Variants in ZMAT5 observed in about 807,000 individuals in gnomAD.
The protein encoded by ZMAT5 is zinc finger matrin-type 5, also known as zinc finger matrin-type protein 5.
Under a neutral mutation model 28.0 loss-of-function variants are expected in ZMAT5, and 23 were observed. That is an observed-to-expected ratio of 0.82 (90% confidence interval 0.59 to 1.16). The LOEUF (loss-of-function observed/expected upper bound fraction) is 1.16, where lower values mean the gene tolerates loss of function less well. ZMAT5 is among the 50% of genes most tolerant of loss of function. The pLI is 0.00. For synonymous variants in ZMAT5, 76 were observed against 84.1 expected (o/e 0.90, Z 0.52); for missense variants, 173 against 212.7 (o/e 0.81, Z 1.16).
At chr22:29,733,486 G>A (rs1287136217) in intron 5 of ZMAT5, among the ~76,000 whole-genome samples, 1 of 152,252 alleles carries the variant, frequency 6.6e-6, no homozygotes, top group East Asian at 1.9e-4. Flanking sequence ...CCCCAGGTGT[G>A]AGAGGACAGG....
intron 5 of ZMAT5, among the ~76,000 whole-genome samples, chr22:29,733,898 C>T (rs576457759): frequency 1.3e-5 from 2 of 152,376 alleles, no homozygotes; most frequent in East Asian, 3.9e-4. Context: ...GCCCCAGACA[C>T]GTGAGCCAAA....
At chr22:29,745,234 C>T (rs1027420220) in intron 2 of ZMAT5, among the ~76,000 whole-genome samples, 3 of 152,172 alleles carry the variant, frequency 2.0e-5, no homozygotes, top group Non-Finnish European at 4.4e-5. Context: ...TGCTGCCTGA[C>T]TTGAGTTCTG....
At chr22:29,735,915 C>T (rs1235723732) in intron 5 of ZMAT5, among the ~76,000 whole-genome samples, 1 of 152,170 alleles carries the variant, frequency 6.6e-6, no homozygotes, top group Non-Finnish European at 1.5e-5. Context: ...TGGGGCACCC[C>T]ATCTCTACCC....
At chr22:29,752,272 G>A (rs1441907924) in intron 1 of ZMAT5, among the ~76,000 whole-genome samples, 1 of 152,128 alleles carries the variant, frequency 6.6e-6, no homozygotes, top group Non-Finnish European at 1.5e-5. Flanking sequence ...CACGCTCCTC[G>A]GCCTGCCTCC....
At chr22:29,747,991 A>C in intron 2 of ZMAT5, 10 of 240,516 alleles carry the variant, frequency 4.2e-5, no homozygotes, top group Non-Finnish European at 6.7e-5. Context: ...GATGGCCTCC[A>C]CAGGCTTGGA....
chr22:29,763,466 G>C (rs1286904845), intron 1 of ZMAT5, among the ~76,000 whole-genome samples: 1 of 150,980 alleles, frequency 6.6e-6, no homozygotes, highest in Non-Finnish European at 1.5e-5. Context: ...GCTGGGTGTG[G>C]TGGCGGGCGC....
chr22:29,751,619 C>T (rs748290605), intron 1 of ZMAT5, among the ~76,000 whole-genome samples: 1 of 152,158 alleles, frequency 6.6e-6, no homozygotes, highest in Non-Finnish European at 1.5e-5. Flanking sequence ...GCCAAGGTCA[C>T]ACTGCTAGGA....
At chr22:29,731,382 A>G (rs942945595) in intron 5 of ZMAT5, 28 bp from the exon 6 acceptor site, 7 of 1,539,080 alleles carry the variant, frequency 4.5e-6, no homozygotes, top group African/African-American at 1.4e-5. Flanking sequence ...AGCGGGGAGA[A>G]TAAGAGTGCA....
At chr22:29,758,015 CAA>C (rs547802111) in intron 1 of ZMAT5, among the ~76,000 whole-genome samples, 4 of 140,078 alleles carry the variant, frequency 2.9e-5, no homozygotes, top group Non-Finnish European at 3.1e-5. Context: ...ACTCCATCTC[CAA>C]AAAAAAAAAA....
rs749060410 is a variant in ZMAT5, at chr22:29,731,366, G to C, written c.384-12C>G. The C allele has an allele frequency of 1.3e-6, 2 of 1,544,132 alleles. No individual in the cohort carries two copies. The highest frequency in any genetic ancestry group is 5.2e-5 in the East Asian group (2 of 38,712). Reference sequence around the variant, plus strand: ...TGATGGGTTCAGCCCTAGAGAGAGAGAGAGAAGCGGGGAGAATAAGAGTGC... The same window carrying C: ...TGATGGGTTCAGCCCTAGAGAGAGACAGAGAAGCGGGGAGAATAAGAGTGC... On this transcript the variant is annotated splice_polypyrimidine_tract_variant and intron_variant, in intron 5 of 5. Coordinates refer to ENST00000344318, the MANE Select transcript of ZMAT5 (RefSeq NM_001003692.2).
intron 1 of ZMAT5, among the ~76,000 whole-genome samples, chr22:29,752,561 C>A (rs1033589515): frequency 5.9e-5 from 9 of 152,182 alleles, no homozygotes; most frequent in Non-Finnish European, 1.0e-4. Flanking sequence ...CCCAGCTCTG[C>A]CACGTGGCTC....
intron 1 of ZMAT5, among the ~76,000 whole-genome samples, chr22:29,766,284 C>T (rs781566609): frequency 6.6e-6 from 1 of 152,216 alleles, no homozygotes; most frequent in Admixed American, 6.5e-5. Context: ...TGCCTCAAGG[C>T]CTTTGCACCA....
At chr22:29,731,531 T>A in intron 5 of ZMAT5, 177 bp from the exon 6 acceptor site, 1 of 732,578 alleles carries the variant, frequency 1.4e-6, no homozygotes, top group Non-Finnish European at 2.1e-6. Flanking sequence ...ACCTCACCTC[T>A]AGGAACTGAG....
chr22:29,740,274 C>T (rs1356913636), intron 4 of ZMAT5, among the ~76,000 whole-genome samples: 1 of 152,130 alleles, frequency 6.6e-6, no homozygotes, highest in East Asian at 1.9e-4. Context: ...TATCCCTAGA[C>T]TGTCGTAAGG....
At chr22:29,747,958 C>T (rs2068023491) in intron 2 of ZMAT5, 3 of 250,972 alleles carry the variant, frequency 1.2e-5, no homozygotes, top group African/African-American at 6.7e-5. Flanking sequence ...ACAGGGACCC[C>T]CCCACCTCCG....
intron 4 of ZMAT5, among the ~76,000 whole-genome samples, chr22:29,740,405 G>A (rs2067950413): frequency 6.6e-6 from 1 of 152,060 alleles, no homozygotes; most frequent in Non-Finnish European, 1.5e-5. Context: ...TGCACCTTCA[G>A]GGCTCCCAGG....
chr22:29,745,662 T>A (rs1411472757), intron 2 of ZMAT5, among the ~76,000 whole-genome samples: 2 of 152,202 alleles, frequency 1.3e-5, no homozygotes, highest in African/African-American at 2.4e-5. Context: ...TGTAGCTGTT[T>A]TATACATGAC....
At position 29,731,046 on chromosome 22, in the gene ZMAT5, G is replaced by A. The variant is rs1445174409; in HGVS notation, c.*179C>T. On this transcript the variant is annotated 3_prime_UTR_variant, in exon 6 of 6. Coordinates refer to ENST00000344318, the MANE Select transcript of ZMAT5 (RefSeq NM_001003692.2). ...GGGCAGGTGGAGGAGAGTGAGGGGAGAGCTGCCCGGTGCAGACCCAGGACG... is the reference window on the plus strand; with the variant it reads ...GGGCAGGTGGAGGAGAGTGAGGGGAAAGCTGCCCGGTGCAGACCCAGGACG... 3.7e-6 allele frequency: 2 copies of A among 537,728 alleles called. No individual in the cohort carries two copies. Among genetic ancestry groups the A allele is most frequent in the South Asian group, 4.7e-5 (1 of 21,322 alleles). 33.3% of individuals were successfully genotyped at this position (537,728 alleles called of 1,614,324 possible). A position where few individuals can be genotyped will look rare whatever the true frequency, so the allele number is the denominator to read the frequency against.
At chr22:29,738,242 T>G in intron 5 of ZMAT5, 88 bp downstream of exon 5, 10 of 1,263,398 alleles carry the variant, frequency 7.9e-6, no homozygotes, top group East Asian at 2.4e-5. Context: ...GGGCAGTTCA[T>G]GGAGATTCCT....
Sources: allele counts gnomAD v4.1 joint callset (sites outside exome capture counted in the v4.1 genomes callset), GRCh38; gene constraint gnomAD v4.1.1; transcripts MANE v1.5; gene names NCBI Gene and HGNC (gene_info 2026-07-23, HGNC 2026-07-21).